Variants in CYTH1 observed in about 807,000 individuals in gnomAD.
The protein encoded by CYTH1 is cytohesin 1.
CYTH1 carries 18 observed loss-of-function variants against 61.8 expected under a neutral mutation model. The observed-to-expected ratio is 0.29, with a 90% CI of 0.20 to 0.43. The LOEUF (loss-of-function observed/expected upper bound fraction) is 0.43. Ranked by LOEUF, CYTH1 falls within the 20% of genes least tolerant of loss-of-function variation. The pLI, the probability that CYTH1 is intolerant of heterozygous loss-of-function variation, is 1.00. For missense variants in CYTH1, 336 were observed against 510.5 expected (o/e 0.66, Z 3.29); for synonymous variants, 174 against 184.3 (o/e 0.94, Z 0.45).
chr17:78,724,970 C>T (rs939595880), intron 1 of CYTH1, among the ~76,000 whole-genome samples: 3 of 152,160 alleles, frequency 2.0e-5, no homozygotes, highest in Non-Finnish European at 4.4e-5. Context: ...CATACTAAGT[C>T]CATGAAAAAC....
At chr17:78,693,756 C>G (rs1430055016) in intron 10 of CYTH1, among the ~76,000 whole-genome samples, 3 of 152,090 alleles carry the variant, frequency 2.0e-5, no homozygotes, top group Admixed American at 2.0e-4. Flanking sequence ...AAATCGGGAC[C>G]ACAGGCTTTC....
chr17:78,755,322 G>T (rs2093396209), intron 1 of CYTH1, among the ~76,000 whole-genome samples: 1 of 151,882 alleles, frequency 6.6e-6, no homozygotes, highest in Non-Finnish European at 1.5e-5. Flanking sequence ...TGTATTTTTA[G>T]CAGAGACAGC....
chr17:78,677,059 A>G lies in CYTH1; in HGVS notation c.1119-890T>C, dbSNP rs777091876. 48 of 455,950 alleles carry G rather than the reference A, an allele frequency of 1.1e-4. 1 individual carries two copies. Among genetic ancestry groups the G allele is most frequent in the South Asian group, 7.1e-4 (46 of 64,570 alleles). 28.2% of individuals were successfully genotyped at this position (455,950 alleles called of 1,614,324 possible). A position where few individuals can be genotyped will look rare whatever the true frequency, so the allele number is the denominator to read the frequency against. On this transcript the variant is annotated intron_variant, in intron 13 of 13. Coordinates refer to ENST00000446868, the MANE Select transcript of CYTH1 (RefSeq NM_004762.6). ...CTGGGCTGACCTGGAACCTATTCACAAGAGACAGTGTGTCCATGAGAAAAT... is the reference window on the plus strand; with the variant it reads ...CTGGGCTGACCTGGAACCTATTCACGAGAGACAGTGTGTCCATGAGAAAAT...
At chr17:78,718,218 TACACACACACACACACAC>T (rs55803104) in intron 1 of CYTH1, among the ~76,000 whole-genome samples, 19 of 128,396 alleles carry the variant, frequency 1.5e-4, no homozygotes, top group African/African-American at 5.3e-4. Flanking sequence ...AAACACTGAA[TACACACACACACACACAC>T]ACACACACAC....
At chr17:78,677,711 C>CTTCGTG (rs1267484903) in intron 13 of CYTH1, 1 of 152,326 alleles carries the variant, frequency 6.6e-6, no homozygotes, top group Non-Finnish European at 1.5e-5. Context: ...AGGAAAAGCA[C>CTTCGTG]TTCGTGAGAG....
chr17:78,755,910 CA>C (rs201343842), intron 1 of CYTH1, among the ~76,000 whole-genome samples: 10 of 112,002 alleles, frequency 8.9e-5, no homozygotes, highest in Admixed American at 1.9e-4. Flanking sequence ...GACACTGCCT[CA>C]AAAAAAAAAC....
intron 11 of CYTH1, among the ~76,000 whole-genome samples, chr17:78,686,916 G>C (rs995505881): frequency 1.3e-5 from 2 of 151,968 alleles, no homozygotes; most frequent in Non-Finnish European, 2.9e-5. Flanking sequence ...CTGGTAGCTG[G>C]GATTACAGGC....
intron 2 of CYTH1, chr17:78,708,916 T>A (rs2093097833): frequency 6.6e-6 from 1 of 152,296 alleles, no homozygotes; most frequent in South Asian, 2.1e-4. Context: ...CCAGAGAAAG[T>A]CAAGTCTTTC....
At chr17:78,679,670 G>A (rs2092737337) in intron 13 of CYTH1, among the ~76,000 whole-genome samples, 1 of 152,194 alleles carries the variant, frequency 6.6e-6, no homozygotes, top group African/African-American at 2.4e-5. Flanking sequence ...CCTGGACTTG[G>A]GAGCTCCACT....
chr17:78,760,453 A>ATG (rs2093420632), intron 1 of CYTH1, among the ~76,000 whole-genome samples: 3 of 53,246 alleles, frequency 5.6e-5, no homozygotes, highest in Non-Finnish European at 1.1e-4. Context: ...GTATATATAT[A>ATG]TACATACATA....
Position 78,675,760 on chromosome 17 carries a change from C to T in CYTH1, c.*331G>A, listed in dbSNP as rs1222863055. 3 of 869,574 alleles carry T rather than the reference C, an allele frequency of 3.4e-6. No individual in the cohort carries two copies. Among genetic ancestry groups the T allele is most frequent in the Non-Finnish European group, 3.3e-6 (2 of 598,136 alleles). The allele number at this position is 869,574 out of a possible 1,614,324, so 53.9% of individuals were successfully genotyped here. On this transcript the variant is annotated 3_prime_UTR_variant, in exon 14 of 14. Coordinates refer to ENST00000446868, the MANE Select transcript of CYTH1 (RefSeq NM_004762.6). ...TTTGAAGGCTTCTTCACGGGGACAA[C>T]CAAGAGGTAAACAGTTGGCTCTGAG...
At chr17:78,696,847 A>T (rs1257771486) in intron 9 of CYTH1, 1 of 152,208 alleles carries the variant, frequency 6.6e-6, no homozygotes, top group Non-Finnish European at 1.5e-5. Flanking sequence ...GTAAATCCAA[A>T]CTTGAACACA....
rs548610838 is a variant in CYTH1, at chr17:78,775,258, AGAG to A, written c.22+6941_22+6943del. On this transcript the variant is annotated intron_variant, in intron 1 of 13. Transcript: ENST00000446868. ...GGGGGGGCCGCTGGGGGTTAGGGGA[AGAG>A]GAGAGATGGAAGGAAGTTACTAATT... Among the ~76,000 whole-genome samples the A allele has an allele frequency of 2.0e-3, 303 of 152,336 alleles. 1 individual carries two copies. The highest frequency in any genetic ancestry group is 7.1e-3 in the African/African-American group (296 of 41,580).
chr17:78,694,116 G>A (rs1026594987), intron 10 of CYTH1, among the ~76,000 whole-genome samples: 2 of 152,214 alleles, frequency 1.3e-5, no homozygotes, highest in African/African-American at 4.8e-5. Context: ...ATAATGTTAT[G>A]AAAAGAAAAT....
intron 1 of CYTH1, among the ~76,000 whole-genome samples, chr17:78,710,306 CTGGGACTA>C (rs1213038152): frequency 3.9e-5 from 6 of 152,212 alleles, no homozygotes; most frequent in Non-Finnish European, 8.8e-5. Flanking sequence ...ACTCTGGGAA[CTGGGACTA>C]TGGGACTTTC....
intron 13 of CYTH1, among the ~76,000 whole-genome samples, chr17:78,678,719 C>T (rs181003266): frequency 2.6e-5 from 4 of 152,300 alleles, no homozygotes; most frequent in Admixed American, 2.0e-4. Context: ...GGCTGGCCCC[C>T]GCTCAGGGCC....
At chr17:78,684,736 G>A (rs963705844) in intron 11 of CYTH1, among the ~76,000 whole-genome samples, 1 of 152,118 alleles carries the variant, frequency 6.6e-6, no homozygotes, top group Non-Finnish European at 1.5e-5. Flanking sequence ...GGGATATTTC[G>A]AGTGGTATTA....
At chr17:78,736,816 G>A (rs2093322464) in intron 1 of CYTH1, 1 of 288,328 alleles carries the variant, frequency 3.5e-6, no homozygotes. Flanking sequence ...GTCTGACTGG[G>A]AGGGGCCGGG....
At chr17:78,731,556 G>A (rs1027388618) in intron 1 of CYTH1, among the ~76,000 whole-genome samples, 22 of 151,950 alleles carry the variant, frequency 1.4e-4, no homozygotes, top group Non-Finnish European at 2.9e-4. Context: ...TCAGGAGATC[G>A]AGACCATCCT....
Sources: allele counts gnomAD v4.1 joint callset (sites outside exome capture counted in the v4.1 genomes callset), GRCh38; gene constraint gnomAD v4.1.1; transcripts MANE v1.5; gene names NCBI Gene and HGNC (gene_info 2026-07-23, HGNC 2026-07-21).